PDE10A: variants seen among roughly 807,000 people sequenced by gnomAD.
PDE10A encodes cAMP and cAMP-inhibited cGMP 3',5'-cyclic phosphodiesterase 10A.
PDE10A carries 39 observed loss-of-function variants against 97.7 expected under a neutral mutation model. The observed-to-expected ratio is 0.40, with a 90% CI of 0.31 to 0.52. PDE10A has a LOEUF of 0.52. PDE10A is among the 20% of genes least tolerant of loss of function. PDE10A has a pLI of 0.56. For missense variants in PDE10A, 731 were observed against 1,047.8 expected, an observed-to-expected ratio of 0.70 and a Z score of 4.17; for synonymous variants, 371 against 376.8, an observed-to-expected ratio of 0.98 and a Z score of 0.18.
chr6:165,682,772 C>A (rs867805945), intron 1 of PDE10A, among the ~76,000 whole-genome samples: 3 of 152,158 alleles, frequency 2.0e-5, no homozygotes, highest in East Asian at 3.9e-4. Context: ...ACTTAGCCAT[C>A]TATAGACCAT....
intron 1 of PDE10A, chr6:165,909,202 C>T (rs1782387971): frequency 6.6e-6 from 1 of 152,182 alleles, no homozygotes; most frequent in Non-Finnish European, 1.5e-5. Flanking sequence ...GCACTGCGGA[C>T]TTTGAAGAGC....
At chr6:165,666,504 ATAGC>A (rs1256789423), upstream of PDE10A, among the ~76,000 whole-genome samples, 11 of 152,220 alleles carry the variant, frequency 7.2e-5, no homozygotes, top group African/African-American at 9.6e-5. Context: ...TTTCCATTTA[ATAGC>A]TAGCAAATTA....
intron 3 of PDE10A, among the ~76,000 whole-genome samples, chr6:165,476,829 A>G (rs954202944): frequency 2.6e-5 from 4 of 152,162 alleles, no homozygotes; most frequent in African/African-American, 9.7e-5. Flanking sequence ...GAGTGTGATG[A>G]AAAATACTGG....
At chr6:165,464,266 A>G (rs1023842518) in intron 3 of PDE10A, among the ~76,000 whole-genome samples, 16 of 152,188 alleles carry the variant, frequency 1.1e-4, no homozygotes, top group Admixed American at 6.5e-5. Flanking sequence ...GTCTACTTAC[A>G]TATACATATA....
chr6:165,738,769 G>A (rs1459057377), intron 1 of PDE10A, among the ~76,000 whole-genome samples: 10 of 152,194 alleles, frequency 6.6e-5, no homozygotes, highest in Non-Finnish European at 1.5e-4. Context: ...GCTGGTGATG[G>A]TGAGCATTTT....
At chr6:165,794,938 C>G (rs1028018697) in intron 1 of PDE10A, among the ~76,000 whole-genome samples, 1 of 152,208 alleles carries the variant, frequency 6.6e-6, no homozygotes, top group Admixed American at 6.5e-5. Flanking sequence ...TTTCGTGCTG[C>G]ACACAATCCT....
chr6:165,697,104 G>A lies in PDE10A; in HGVS notation c.-614-153536C>T, dbSNP rs564424532. Among the ~76,000 whole-genome samples the A allele has an allele frequency of 2.0e-5, 3 of 152,222 alleles. No homozygotes were observed. In the South Asian group the frequency reaches 6.2e-4, roughly 32 times the overall value. On this transcript the variant is annotated intron_variant, in intron 1 of 19. Transcript: ENST00000366882. ...GGAAGTACCAGAAATGAGGAAAAAA[G>A]TATTCAAATAAATAATGGCTGAAAC... is the stretch of plus-strand genomic sequence containing the variant.
chr6:165,831,359 GAGA>G (rs1199848768), intron 1 of PDE10A, among the ~76,000 whole-genome samples: 3 of 77,852 alleles, frequency 3.9e-5, no homozygotes, highest in African/African-American at 1.6e-4. Flanking sequence ...GCGAGAGAGC[GAGA>G]CTCTGTCTCA....
intron 17 of PDE10A, among the ~76,000 whole-genome samples, chr6:165,381,868 T>C (rs919105106): frequency 6.6e-6 from 1 of 152,112 alleles, no homozygotes; most frequent in Non-Finnish European, 1.5e-5. Flanking sequence ...CAATGAAGCA[T>C]AGCAGACAAA....
At chr6:165,338,205 C>G (rs1307568727) in intron 20 of PDE10A, among the ~76,000 whole-genome samples, 1 of 152,218 alleles carries the variant, frequency 6.6e-6, no homozygotes, top group East Asian at 1.9e-4. Flanking sequence ...ATTCATTCAG[C>G]CTCTTTGTTG....
intron 1 of PDE10A, among the ~76,000 whole-genome samples, chr6:165,691,878 C>T (rs766617769): frequency 3.9e-5 from 6 of 152,222 alleles, no homozygotes; most frequent in East Asian, 1.9e-4. Flanking sequence ...TTTCATCTTA[C>T]GCTTTTCACC....
At chr6:165,416,150 G>T in intron 12 of PDE10A, 39 bp downstream of exon 12, 1 of 1,303,744 alleles carries the variant, frequency 7.7e-7, no homozygotes, top group Non-Finnish European at 1.1e-6. Flanking sequence ...GGACATCACA[G>T]AAGAAATCAA....
intron 1 of PDE10A, among the ~76,000 whole-genome samples, chr6:165,924,254 C>G (rs1261080269): frequency 6.6e-6 from 1 of 152,154 alleles, no homozygotes; most frequent in Non-Finnish European, 1.5e-5. Flanking sequence ...AGATCTCCCT[C>G]TAGGCATACA....
intron 13 of PDE10A, among the ~76,000 whole-genome samples, chr6:165,404,267 A>C (rs1370727933): frequency 6.6e-6 from 1 of 152,152 alleles, no homozygotes; most frequent in African/African-American, 2.4e-5. Flanking sequence ...CTAAAGAAAT[A>C]ACAGACCCAT....
At chr6:165,349,578 C>T (rs1367345995) in intron 18 of PDE10A, among the ~76,000 whole-genome samples, 1 of 152,184 alleles carries the variant, frequency 6.6e-6, no homozygotes, top group African/African-American at 2.4e-5. Flanking sequence ...TTCAAGCCAG[C>T]TGCAGAAATT....
chr6:165,587,080 G>A (rs1231892357), intron 1 of PDE10A, among the ~76,000 whole-genome samples: 1 of 152,158 alleles, frequency 6.6e-6, no homozygotes, highest in African/African-American at 2.4e-5. Flanking sequence ...AAGGATGAGC[G>A]CAGGGGAAGT....
intron 13 of PDE10A, among the ~76,000 whole-genome samples, chr6:165,406,311 A>C (rs1262480122): frequency 6.6e-6 from 1 of 151,172 alleles, no homozygotes; most frequent in East Asian, 1.9e-4. Context: ...GAATTTTAGG[A>C]GATAACTTTG....
chr6:165,582,305 G>C (rs567944289), intron 1 of PDE10A, among the ~76,000 whole-genome samples: 31 of 152,182 alleles, frequency 2.0e-4, no homozygotes, highest in Middle Eastern at 3.4e-3. Flanking sequence ...TGGAAATACA[G>C]GGCCCAAAAA....
At chr6:165,677,074 T>A (rs1442665516) in intron 1 of PDE10A, among the ~76,000 whole-genome samples, 2 of 152,266 alleles carry the variant, frequency 1.3e-5, no homozygotes, top group Non-Finnish European at 2.9e-5. Context: ...CTGGGCCACA[T>A]GGCCTGTTGC....
Sources: allele counts gnomAD v4.1 joint callset (sites outside exome capture counted in the v4.1 genomes callset), GRCh38; gene constraint gnomAD v4.1.1; transcripts MANE v1.5; gene names NCBI Gene and HGNC (gene_info 2026-07-23, HGNC 2026-07-21).